DNAJC10: variants seen among roughly 807,000 people sequenced by gnomAD.
DNAJC10 encodes DnaJ heat shock protein family (Hsp40) member C10, also known as endoplasmic reticulum disulfide reductase DNAJC10.
A neutral mutation model predicts 115.0 loss-of-function variants in DNAJC10; 101 were observed. That is an observed-to-expected ratio of 0.88 (90% CI 0.75 to 1.04). The LOEUF is 1.04. Ranked by LOEUF, DNAJC10 falls within the 50% of genes least tolerant of loss-of-function variation. DNAJC10 has a pLI of 0.00. For missense variants in DNAJC10, 981 were observed against 928.8 expected, an observed-to-expected ratio of 1.06 and a Z score of -0.73; for synonymous variants, 307 against 301.5, an observed-to-expected ratio of 1.02 and a Z score of -0.19.
chr2:182,739,563 C>A, intron 11 of DNAJC10: 2 of 1,223,124 alleles, frequency 1.6e-6, no homozygotes, highest in South Asian at 1.5e-5. Flanking sequence ...TTGAGAGAAT[C>A]AGACCAGCAG....
chr2:182,720,300 G>A (rs1288962136), intron 4 of DNAJC10, 131 bp downstream of exon 4: 2 of 732,392 alleles, frequency 2.7e-6, no homozygotes, highest in Admixed American at 2.8e-5. Flanking sequence ...TGCTGTGGGA[G>A]TGAAATTTAA....
intron 5 of DNAJC10, among the ~76,000 whole-genome samples, chr2:182,725,794 A>G (rs538878746): frequency 1.2e-3 from 178 of 152,324 alleles, no homozygotes; most frequent in African/African-American, 3.8e-3. Flanking sequence ...AGCTAAGATC[A>G]TTGATGAAGG....
chr2:182,721,943 T>A, intron 4 of DNAJC10, 82 bp from the exon 5 acceptor site: 1 of 780,824 alleles, frequency 1.3e-6, no homozygotes, highest in South Asian at 1.9e-5. Context: ...TTTTTGATGA[T>A]TAAAACGAGT....
chr2:182,760,118 T>C (rs541871729), intron 21 of DNAJC10, among the ~76,000 whole-genome samples: 1 of 152,282 alleles, frequency 6.6e-6, no homozygotes, highest in Admixed American at 6.5e-5. Context: ...TAGATTCCAG[T>C]GTAACAGAGT....
Position 182,785,377 on chromosome 2 carries a change from A to T in DNAJC10, c.*8245A>T, listed in dbSNP as rs1016178119. The T allele has an allele frequency of 1.3e-5, 2 of 152,116 alleles. No homozygotes were observed. Among genetic ancestry groups the T allele is most frequent in the African/African-American group, 4.8e-5 (2 of 41,448 alleles). The allele number at this position is 152,116 out of a possible 1,614,324, so 9.4% of individuals were successfully genotyped here. On this transcript the variant is annotated 3_prime_UTR_variant, in exon 24 of 24. Coordinates refer to ENST00000264065, the MANE Select transcript of DNAJC10 (RefSeq NM_018981.4). The stretch of plus-strand genomic sequence containing the variant: ...GAAATAAGACACATAGTCTTCAGGT[A>T]AAAAGAAAGAGCTCTTGGTCACAGA...
At chr2:182,736,184 C>T in intron 10 of DNAJC10, 65 bp from the exon 11 acceptor site, 1 of 1,485,872 alleles carries the variant, frequency 6.7e-7, no homozygotes, top group Non-Finnish European at 8.9e-7. Context: ...CTAAGTAAAG[C>T]TCTAAATCCC....
At chr2:182,739,734 A>T in intron 11 of DNAJC10, 1 of 1,004,206 alleles carries the variant, frequency 1.0e-6, no homozygotes, top group Non-Finnish European at 1.2e-6. Context: ...TACTCTAAAA[A>T]CTCCTAAGTG....
In DNAJC10 at chr2:182,756,388, C is replaced by T. The variant is rs764733833; in HGVS notation, c.1728C>T (p.Asn576=). Residue 576 remains asparagine, a synonymous_variant, in exon 18 of 24, where the codon AAC becomes AAT. Transcript: ENST00000264065. ...FNELVTQRKH[N]EVWMVDFYSP... ...AACTAGTTACACAAAGAAAACACAACGAAGTCTGGATGGTTGATTTCTATT... is the reference window on the plus strand; with the variant it reads ...AACTAGTTACACAAAGAAAACACAATGAAGTCTGGATGGTTGATTTCTATT... The T allele has an allele frequency of 3.3e-5, 54 of 1,613,874 alleles. No homozygotes were observed. Among genetic ancestry groups the T allele is most frequent in the East Asian group, 2.0e-4 (9 of 44,866 alleles).
At position 182,782,683 on chromosome 2, in the gene DNAJC10, T is replaced by A. The variant is rs1291007465; in HGVS notation, c.*5551T>A. 6.6e-6 allele frequency: 1 copy of A among 152,230 alleles called. No individual in the cohort carries two copies. Among genetic ancestry groups the A allele is most frequent in the Non-Finnish European group, 1.5e-5 (1 of 68,030 alleles). The allele number at this position is 152,230 out of a possible 1,614,324, so 9.4% of individuals were successfully genotyped here. A position where few individuals can be genotyped will look rare whatever the true frequency, so the allele number is the denominator to read the frequency against. ...TATTTAATTCTCTTTGTAGCAATTG[T>A]GAATGGGAGTTCACTCACGATTTGG... On this transcript the variant is annotated 3_prime_UTR_variant, in exon 24 of 24. Coordinates refer to ENST00000264065, the MANE Select transcript of DNAJC10 (RefSeq NM_018981.4).
chr2:182,717,820 G>A (rs574552579), intron 2 of DNAJC10, 121 bp from the exon 3 acceptor site: 1 of 260,678 alleles, frequency 3.8e-6, no homozygotes, highest in Admixed American at 5.3e-5. Context: ...AGAACCTGGG[G>A]CATTCACACT....
At chr2:182,739,733 A>C in intron 11 of DNAJC10, 1 of 1,008,716 alleles carries the variant, frequency 9.9e-7, no homozygotes, top group South Asian at 4.0e-5. Flanking sequence ...TTACTCTAAA[A>C]ACTCCTAAGT....
chr2:182,772,155 C>T (rs1694580591), intron 22 of DNAJC10, among the ~76,000 whole-genome samples: 1 of 152,138 alleles, frequency 6.6e-6, no homozygotes, highest in African/African-American at 2.4e-5. Flanking sequence ...ATCCTGAGTT[C>T]TAATTTGATT....
At chr2:182,739,511 G>C (rs1322090336) in intron 11 of DNAJC10, 2 of 1,187,804 alleles carry the variant, frequency 1.7e-6, no homozygotes, top group African/African-American at 3.2e-5. Context: ...ACATTTTCTT[G>C]ATGTAACCAT....
chr2:182,775,470 C>A, intron 23 of DNAJC10, 50 bp downstream of exon 23: 1 of 1,238,664 alleles, frequency 8.1e-7, no homozygotes. Flanking sequence ...CAAAAGTTAG[C>A]AAAATCTATT....
intron 13 of DNAJC10, among the ~76,000 whole-genome samples, chr2:182,742,577 A>T (rs1019580120): frequency 1.3e-5 from 2 of 152,204 alleles, no homozygotes; most frequent in African/African-American, 4.8e-5. Context: ...TTATCAGTTT[A>T]TAATCTCACT....
At chr2:182,721,524 G>C (rs1215657006) in intron 4 of DNAJC10, among the ~76,000 whole-genome samples, 1 of 152,110 alleles carries the variant, frequency 6.6e-6, no homozygotes, top group Non-Finnish European at 1.5e-5. Context: ...CTTTTTAGCA[G>C]AAGATATTCT....
At position 182,743,692 on chromosome 2, in the gene DNAJC10, A is replaced by C. The variant is rs560836083; in HGVS notation, c.1286A>C (p.Lys429Thr). 7.5e-6 allele frequency: 12 copies of C among 1,605,914 alleles called. No individual in the cohort carries two copies. In the South Asian group the frequency reaches 1.1e-4, roughly 15 times the overall value. ...GCAGTATTTAAAGGACAAGGAACCA[A>C]AGAATATGAAATTCATCATGGTAAG... is the stretch of plus-strand genomic sequence containing the variant. ...SLAVFKGQGT[K>T]EYEIHHGKKI... is the part of the protein sequence containing the mutation. Residue 429 changes from lysine (K) to threonine (T), a missense_variant, in exon 14 of 24, where the codon AAA (lysine) becomes ACA (threonine). Coordinates refer to ENST00000264065, the MANE Select transcript of DNAJC10 (RefSeq NM_018981.4).
At position 182,782,446 on chromosome 2, in the gene DNAJC10, A is replaced by G. The variant is rs886401649; in HGVS notation, c.*5314A>G. 1.3e-5 allele frequency: 2 copies of G among 152,084 alleles called. No individual in the cohort carries two copies. The highest frequency in any genetic ancestry group is 2.1e-4 in the South Asian group (1 of 4,820). 9.4% of individuals were successfully genotyped at this position (152,084 alleles called of 1,614,324 possible). ...ATGAAATTTAAAGTAGTTTTTTCCA[A>G]TTCTGTGAAGAAAGTCAATGGTAGC... is the stretch of plus-strand genomic sequence containing the variant. On this transcript the variant is annotated 3_prime_UTR_variant, in exon 24 of 24. Transcript: ENST00000264065.
intron 18 of DNAJC10, among the ~76,000 whole-genome samples, chr2:182,756,966 C>T (rs963742855): frequency 6.6e-6 from 1 of 152,068 alleles, no homozygotes; most frequent in African/African-American, 2.4e-5. Context: ...TAAACTGTTG[C>T]CAACAACAAC....
Sources: gnomAD v4.1 joint callset for allele counts (sites outside exome capture counted in the v4.1 genomes callset) on GRCh38, gnomAD v4.1.1 for gene constraint, MANE v1.5 for transcripts, NCBI Gene and HGNC (gene_info 2026-07-23, HGNC 2026-07-21) for gene names.